The following GALNT13 variants were observed in gnomAD, a reference collection of about 807,000 sequenced individuals.
GALNT13 encodes UDP-GalNAc:polypeptide N-acetylgalactosaminyltransferase 13.
A neutral mutation model predicts 64.2 loss-of-function variants in GALNT13; 28 were observed. The observed-to-expected ratio is 0.44, with a 90% confidence interval of 0.32 to 0.60. The LOEUF (loss-of-function observed/expected upper bound fraction) is 0.60, where lower values mean the gene tolerates loss of function less well. Ranked by LOEUF, GALNT13 falls within the 20% of genes least tolerant of loss-of-function variation. GALNT13 has a pLI of 0.05. For synonymous variants in GALNT13, 214 were observed against 224.6 expected, an observed-to-expected ratio of 0.95 and a Z score of 0.42; for missense variants, 577 against 669.8, an observed-to-expected ratio of 0.86 and a Z score of 1.53.
At chr2:153,092,326 CT>C in the GALNT13 span, among the ~76,000 whole-genome samples, 7 of 152,062 alleles carry the variant, frequency 4.6e-5, no homozygotes, top group African/African-American at 1.4e-4. Context: ...TATTCTGGGT[CT>C]TTTGTGGTTT....
At chr2:153,487,921 A>G in the GALNT13 span, among the ~76,000 whole-genome samples, 1 of 152,218 alleles carries the variant, frequency 6.6e-6, no homozygotes, top group Non-Finnish European at 1.5e-5. Context: ...GAAGGGCTTT[A>G]AGCAGCAGAC....
At chr2:153,822,906 G>T in the GALNT13 span, among the ~76,000 whole-genome samples, 1 of 151,968 alleles carries the variant, frequency 6.6e-6, no homozygotes, top group Admixed American at 6.6e-5. Context: ...TAGAACTGAT[G>T]AACAACTTCA....
chr2:153,404,883 T>A, the GALNT13 span, among the ~76,000 whole-genome samples: 1 of 152,244 alleles, frequency 6.6e-6, no homozygotes, highest in Non-Finnish European at 1.5e-5. Flanking sequence ...ATGAAATATT[T>A]TATTAAAATA....
At chr2:153,437,257 A>G in the GALNT13 span, among the ~76,000 whole-genome samples, 81 of 152,198 alleles carry the variant, frequency 5.3e-4, no homozygotes, top group African/African-American at 1.8e-3. Flanking sequence ...TATGTGGTCA[A>G]TTTTGGAATA....
chr2:153,950,179 C>T (rs12476270), intron 3 of GALNT13, among the ~76,000 whole-genome samples: 5,114 of 151,668 alleles, frequency 0.034, 127 homozygotes, highest in Non-Finnish European at 0.048. Flanking sequence ...ATAAAGCAAA[C>T]GCAACTGACC....
the GALNT13 span, among the ~76,000 whole-genome samples, chr2:153,791,387 G>T: frequency 6.6e-6 from 1 of 152,010 alleles, no homozygotes; most frequent in Non-Finnish European, 1.5e-5. Context: ...GGTTTTTGCC[G>T]TTAGTTTTGC....
chr2:153,078,305 C>T, the GALNT13 span, among the ~76,000 whole-genome samples: 16 of 145,136 alleles, frequency 1.1e-4, no homozygotes, highest in Non-Finnish European at 9.0e-5. Flanking sequence ...ATTGATAGTT[C>T]TTCCTTTTCA....
At chr2:153,250,579 C>CA in the GALNT13 span, among the ~76,000 whole-genome samples, 1 of 152,146 alleles carries the variant, frequency 6.6e-6, no homozygotes, top group East Asian at 1.9e-4. Context: ...GACACACGCA[C>CA]ATGTATGTTT....
chr2:153,225,763 A>G, the GALNT13 span, among the ~76,000 whole-genome samples: 1 of 152,212 alleles, frequency 6.6e-6, no homozygotes, highest in Non-Finnish European at 1.5e-5. Context: ...TATAAATCAA[A>G]CAAAATATGT....
the GALNT13 span, among the ~76,000 whole-genome samples, chr2:153,420,296 GTTGA>G: frequency 6.6e-6 from 1 of 152,166 alleles, no homozygotes; most frequent in Non-Finnish European, 1.5e-5. Flanking sequence ...AAATTGTAAG[GTTGA>G]TAGATTAGAA....
At chr2:153,661,748 T>C in the GALNT13 span, among the ~76,000 whole-genome samples, 1 of 152,250 alleles carries the variant, frequency 6.6e-6, no homozygotes, top group African/African-American at 2.4e-5. Flanking sequence ...ATCAATATCC[T>C]TCCAGCATAG....
chr2:153,625,246 T>C, the GALNT13 span, among the ~76,000 whole-genome samples: 9 of 152,026 alleles, frequency 5.9e-5, no homozygotes, highest in African/African-American at 1.9e-4. Flanking sequence ...GTGGGGGGAA[T>C]GGGACAATTC....
intron 9 of GALNT13, among the ~76,000 whole-genome samples, chr2:154,373,097 G>A (rs1336570208): frequency 1.3e-5 from 2 of 152,010 alleles, no homozygotes; most frequent in Non-Finnish European, 2.9e-5. Context: ...GTCAATTAGA[G>A]TACTGAAAAC....
At chr2:153,168,803 A>G in the GALNT13 span, among the ~76,000 whole-genome samples, 1 of 152,214 alleles carries the variant, frequency 6.6e-6, no homozygotes, top group African/African-American at 2.4e-5. Context: ...ACAACAGACA[A>G]ACTTCTTACC....
At chr2:153,399,640 A>G in the GALNT13 span, among the ~76,000 whole-genome samples, 1 of 151,690 alleles carries the variant, frequency 6.6e-6, no homozygotes, top group Non-Finnish European at 1.5e-5. Flanking sequence ...GGTCCTTCAC[A>G]TCCCTTGTAA....
chr2:153,637,495 G>T, the GALNT13 span, among the ~76,000 whole-genome samples: 1 of 152,076 alleles, frequency 6.6e-6, no homozygotes, highest in African/African-American at 2.4e-5. Context: ...GAATAAAGAA[G>T]AACTGAGAAT....
At chr2:153,245,266 G>A in the GALNT13 span, among the ~76,000 whole-genome samples, 37 of 152,316 alleles carry the variant, frequency 2.4e-4, no homozygotes, top group African/African-American at 5.1e-4. Context: ...GAGGATTCTC[G>A]CAGCACAGCA....
In GALNT13 at chr2:153,879,357, C is replaced by CGTGT. The variant is rs4034904; in HGVS notation, c.-177+7076_-177+7079dup. Among the ~76,000 whole-genome samples, 1,261 of 148,518 alleles carry CGTGT rather than the reference C, an allele frequency of 8.5e-3. 20 individuals are homozygous for CGTGT. Among genetic ancestry groups the CGTGT allele is most frequent in the East Asian group, 0.047 (234 of 4,984 alleles). ...TTGATAAAATAATTAAAACTACCTA[C>CGTGT]GTGTGTGTGTGTGTGTGTGTGTGTG... is the stretch of plus-strand genomic sequence containing the variant. On this transcript the variant is annotated intron_variant, in intron 1 of 12. Coordinates refer to ENST00000392825, the MANE Select transcript of GALNT13 (RefSeq NM_052917.4).
the GALNT13 span, among the ~76,000 whole-genome samples, chr2:153,185,272 A>T: frequency 6.6e-6 from 1 of 152,008 alleles, no homozygotes; most frequent in South Asian, 2.1e-4. Flanking sequence ...GTATTCTCTG[A>T]TGGTTGTATT....
Sources: gnomAD v4.1 joint callset for allele counts (sites outside exome capture counted in the v4.1 genomes callset) on GRCh38, gnomAD v4.1.1 for gene constraint, MANE v1.5 for transcripts, NCBI Gene and HGNC (gene_info 2026-07-23, HGNC 2026-07-21) for gene names.